The following FHIT variants were observed in gnomAD, a reference collection of about 807,000 sequenced individuals.
FHIT encodes bis(5'-adenosyl)-triphosphatase.
FHIT carries 19 observed loss-of-function variants against 17.9 expected under a neutral mutation model. The ratio of observed to expected loss-of-function variants is 1.06; its 90% CI spans 0.74 to 1.56. The LOEUF is 1.56. FHIT is among the 40% of genes most tolerant of loss of function. The pLI, the probability that FHIT is intolerant of heterozygous loss-of-function variation, is 0.00. For synonymous variants in FHIT, 81 were observed against 69.7 expected, an observed-to-expected ratio of 1.16 and a Z score of -0.81; for missense variants, 248 against 189.2, an observed-to-expected ratio of 1.31 and a Z score of -1.82.
chr3:60,938,265 T>TTGTGCTA (rs1437537643), intron 3 of FHIT, among the ~76,000 whole-genome samples: 1 of 152,162 alleles, frequency 6.6e-6, no homozygotes, highest in Non-Finnish European at 1.5e-5. Context: ...TCCTACTGTG[T>TTGTGCTA]TGTGCTATGT....
At chr3:59,898,645 T>C (rs917557277) in intron 8 of FHIT, among the ~76,000 whole-genome samples, 6 of 152,192 alleles carry the variant, frequency 3.9e-5, no homozygotes, top group African/African-American at 7.2e-5. Flanking sequence ...AATCTTTTTT[T>C]TTCTTCTTTT....
chr3:59,984,173 A>T (rs779408219), intron 7 of FHIT, among the ~76,000 whole-genome samples: 5 of 152,052 alleles, frequency 3.3e-5, no homozygotes, highest in Non-Finnish European at 5.9e-5. Context: ...TGAACCTCAT[A>T]TTCTTTCTCT....
At chr3:60,262,041 T>C (rs1396894402) in intron 5 of FHIT, among the ~76,000 whole-genome samples, 2 of 152,038 alleles carry the variant, frequency 1.3e-5, no homozygotes, top group Admixed American at 6.6e-5. Flanking sequence ...CATTTCCCTA[T>C]GTCTTTGGGT....
chr3:59,791,933 A>G (rs1383819260), intron 8 of FHIT, among the ~76,000 whole-genome samples: 1 of 152,136 alleles, frequency 6.6e-6, no homozygotes, highest in South Asian at 2.1e-4. Context: ...AGCTAAGAAT[A>G]AGACAGTGGG....
At chr3:60,805,037 G>A (rs555307188) in intron 4 of FHIT, among the ~76,000 whole-genome samples, 3 of 152,244 alleles carry the variant, frequency 2.0e-5, no homozygotes, top group African/African-American at 7.2e-5. Flanking sequence ...TGGTAAAGAA[G>A]TAGATGGTCA....
chr3:59,907,441 C>G (rs1704634819), intron 8 of FHIT, among the ~76,000 whole-genome samples: 1 of 152,156 alleles, frequency 6.6e-6, no homozygotes, highest in Admixed American at 6.5e-5. Flanking sequence ...AGGCGCTGCC[C>G]CAGTGTGAGA....
chr3:60,753,359 C>T (rs529783998), intron 4 of FHIT, among the ~76,000 whole-genome samples: 5 of 152,066 alleles, frequency 3.3e-5, no homozygotes, highest in East Asian at 1.9e-4. Context: ...AGCCCTCTGG[C>T]GGGTAACAGA....
chr3:61,114,196 C>T (rs2106899170), intron 2 of FHIT, among the ~76,000 whole-genome samples: 1 of 152,238 alleles, frequency 6.6e-6, no homozygotes, highest in Middle Eastern at 3.4e-3. Context: ...ACATTTAGGA[C>T]CCAAGGGATG....
chr3:60,034,547 A>G (rs1224176851), intron 5 of FHIT, among the ~76,000 whole-genome samples: 1 of 152,234 alleles, frequency 6.6e-6, no homozygotes, highest in Non-Finnish European at 1.5e-5. Context: ...TCCGTGGTAT[A>G]TCTTCGTCAA....
chr3:60,042,422 G>T (rs1701478612), intron 5 of FHIT, among the ~76,000 whole-genome samples: 1 of 152,142 alleles, frequency 6.6e-6, no homozygotes, highest in Non-Finnish European at 1.5e-5. Flanking sequence ...CGATCCCACA[G>T]TTCTGAGGAC....
rs893302186 is a variant in FHIT, at chr3:60,427,271, C to T, written c.103+109589G>A. Among the ~76,000 whole-genome samples the T allele has an allele frequency of 8.5e-5, 13 of 152,108 alleles. No individual in the cohort carries two copies. The East Asian group carries it at 9.7e-4, about 11-fold the overall frequency. On this transcript the variant is annotated intron_variant, in intron 5 of 9. Coordinates refer to ENST00000492590, the MANE Select transcript of FHIT (RefSeq NM_002012.4). ...CTGAGAATGAACGCTGCGCAGTAGC[C>T]GAAAGATAATGGGTGCCCCAGTCCT...
intron 7 of FHIT, among the ~76,000 whole-genome samples, chr3:59,966,948 T>C (rs768584545): frequency 2.0e-5 from 3 of 152,216 alleles, no homozygotes; most frequent in Non-Finnish European, 2.9e-5. Context: ...TAATAACATG[T>C]AGCTTAAAAC....
intron 3 of FHIT, among the ~76,000 whole-genome samples, chr3:60,891,463 T>G (rs1705513540): frequency 6.6e-6 from 1 of 152,168 alleles, no homozygotes; most frequent in Admixed American, 6.5e-5. Flanking sequence ...CCCACTGGGT[T>G]GCTAAACTGG....
At chr3:60,176,012 C>G (rs564970665) in intron 5 of FHIT, among the ~76,000 whole-genome samples, 7 of 152,224 alleles carry the variant, frequency 4.6e-5, no homozygotes, top group Admixed American at 2.6e-4. Context: ...AGCTGAAAGA[C>G]GAGTTTTAAA....
At chr3:60,847,832 T>A (rs76349782) in intron 3 of FHIT, among the ~76,000 whole-genome samples, 2,424 of 152,188 alleles carry the variant, frequency 0.016, 119 homozygotes, top group East Asian at 0.12. Flanking sequence ...TTTTTTTTGG[T>A]CCCCGTATGA....
intron 7 of FHIT, among the ~76,000 whole-genome samples, chr3:60,003,854 T>A (rs1430983183): frequency 9.4e-5 from 11 of 116,456 alleles, no homozygotes; most frequent in Non-Finnish European, 2.1e-4. Context: ...CTGCATTTAT[T>A]TTACTTTTTT....
At chr3:60,461,492 C>T (rs963586094) in intron 5 of FHIT, among the ~76,000 whole-genome samples, 5 of 152,094 alleles carry the variant, frequency 3.3e-5, no homozygotes, top group African/African-American at 1.2e-4. Flanking sequence ...AATCCTTTTT[C>T]TTTAAGATGA....
At position 60,140,286 on chromosome 3, in the gene FHIT, G is replaced by A. The variant is rs538136854; in HGVS notation, c.104-126134C>T. Among the ~76,000 whole-genome samples the A allele has an allele frequency of 2.0e-5, 3 of 152,158 alleles. No homozygotes were observed. The East Asian group carries it at 5.8e-4, about 29-fold the overall frequency. On this transcript the variant is annotated intron_variant, in intron 5 of 9. Transcript: ENST00000492590. ...ATGATAGTGCCTCAATTTTCCTGTAGGAAACCACAGCTACTCCCCTCACAT... is the reference window on the plus strand; with the variant it reads ...ATGATAGTGCCTCAATTTTCCTGTAAGAAACCACAGCTACTCCCCTCACAT...
At chr3:60,446,202 T>C (rs913655549) in intron 5 of FHIT, among the ~76,000 whole-genome samples, 3 of 152,126 alleles carry the variant, frequency 2.0e-5, no homozygotes, top group East Asian at 1.9e-4. Context: ...ATAATGCCAA[T>C]TGGGGCATCA....
Sources: allele counts gnomAD v4.1 joint callset (sites outside exome capture counted in the v4.1 genomes callset), GRCh38; gene constraint gnomAD v4.1.1; transcripts MANE v1.5; gene names NCBI Gene and HGNC (gene_info 2026-07-23, HGNC 2026-07-21).